The following SIK3 variants were observed in gnomAD, a reference collection of about 807,000 sequenced individuals.
The protein encoded by SIK3 is serine/threonine-protein kinase SIK3.
SIK3 carries 28 observed loss-of-function variants against 144.2 expected under a neutral mutation model. The ratio of observed to expected loss-of-function variants is 0.19; its 90% CI spans 0.14 to 0.27. The LOEUF (loss-of-function observed/expected upper bound fraction) is 0.27. Ranked by LOEUF, SIK3 falls within the 10% of genes least tolerant of loss-of-function variation. The pLI, the probability that SIK3 is intolerant of heterozygous loss-of-function variation, is 1.00. For synonymous variants in SIK3, 686 were observed against 676.3 expected (o/e 1.01, Z -0.22); for missense variants, 1,319 against 1,776.0 (o/e 0.74, Z 4.62).
At chr11:116,880,506 G>C (rs1043598532) in intron 6 of SIK3, among the ~76,000 whole-genome samples, 1 of 152,092 alleles carries the variant, frequency 6.6e-6, no homozygotes, top group Non-Finnish European at 1.5e-5. Flanking sequence ...AATATCGAAC[G>C]TGCCAAGGAA....
chr11:116,939,415 G>C (rs537577278), intron 3 of SIK3, among the ~76,000 whole-genome samples: 1 of 152,302 alleles, frequency 6.6e-6, no homozygotes, highest in South Asian at 2.1e-4. Flanking sequence ...CAAAGTGCTG[G>C]GATTACAGGT....
At chr11:116,865,257 A>G (rs2134455152) in intron 15 of SIK3, among the ~76,000 whole-genome samples, 1 of 152,266 alleles carries the variant, frequency 6.6e-6, no homozygotes, top group Non-Finnish European at 1.5e-5. Context: ...TCAGAAAGCC[A>G]TGTTCTTCAA....
intron 1 of SIK3, among the ~76,000 whole-genome samples, chr11:117,039,395 G>A (rs1342730028): frequency 5.3e-5 from 8 of 152,116 alleles, no homozygotes; most frequent in Admixed American, 3.3e-4. Flanking sequence ...GATCACAGGC[G>A]TAAGCCACCA....
chr11:116,979,436 C>T (rs1269170313), intron 1 of SIK3, among the ~76,000 whole-genome samples: 4 of 152,050 alleles, frequency 2.6e-5, no homozygotes, highest in African/African-American at 9.7e-5. Context: ...CACCTTCTCA[C>T]TCTATGATGT....
At chr11:116,975,745 T>A (rs566833051) in intron 1 of SIK3, among the ~76,000 whole-genome samples, 1 of 152,238 alleles carries the variant, frequency 6.6e-6, no homozygotes, top group Admixed American at 6.5e-5. Context: ...CTGGGTTATA[T>A]GGTAATTCCA....
rs1259439968 is a variant in SIK3 at position 117,098,212 on chromosome 11, G to C, written c.204C>G (p.Ile68Met). 2.0e-6 allele frequency: 3 copies of C among 1,515,120 alleles called. No homozygotes were observed. Among genetic ancestry groups the C allele is most frequent in the East Asian group, 2.8e-5 (1 of 35,190 alleles). 93.9% of individuals were successfully genotyped at this position (1,515,120 alleles called of 1,614,324 possible). ...PMPARIGYYE[I>M]DRTIGKGNFA... ...AGTTGCCCTTGCCGATGGTGCGGTC[G>C]ATCTCGTAGTAGCCGATACGGGCGG... The change falls in exon 1 of 25, where the codon ATC becomes ATG. Residue 68 changes from isoleucine (I) to methionine (M), a missense_variant. Transcript: ENST00000445177.
chr11:117,045,205 A>G (rs1199725471), intron 1 of SIK3, among the ~76,000 whole-genome samples: 1 of 152,232 alleles, frequency 6.6e-6, no homozygotes, highest in Non-Finnish European at 1.5e-5. Context: ...ATATCTGCTT[A>G]GTGACGGGAA....
chr11:117,080,537 G>A (rs75476502), intron 1 of SIK3, among the ~76,000 whole-genome samples: 3,007 of 152,028 alleles, frequency 0.02, 100 homozygotes, highest in African/African-American at 0.068. Flanking sequence ...ATAAGTCTAC[G>A]TGTTTTGAAT....
At chr11:117,034,163 T>G (rs1419158069) in intron 1 of SIK3, among the ~76,000 whole-genome samples, 1 of 152,162 alleles carries the variant, frequency 6.6e-6, no homozygotes, top group African/African-American at 2.4e-5. Flanking sequence ...TAGCACTGTA[T>G]AAGTTATCAC....
intron 1 of SIK3, among the ~76,000 whole-genome samples, chr11:116,959,453 T>C (rs1272870034): frequency 6.6e-6 from 1 of 152,220 alleles, no homozygotes; most frequent in Non-Finnish European, 1.5e-5. Flanking sequence ...TTATTTACCT[T>C]AATAACAGAG....
At position 116,943,149 on chromosome 11, in the gene SIK3, T is replaced by A. The variant is rs530131910; in HGVS notation, c.454+10895A>T. Among the ~76,000 whole-genome samples the A allele has an allele frequency of 2.7e-5, 4 of 149,556 alleles. 1 individual carries two copies. The South Asian group carries it at 8.5e-4, about 32-fold the overall frequency. On this transcript the variant is annotated intron_variant, in intron 3 of 24. Coordinates refer to ENST00000445177, the MANE Select transcript of SIK3 (RefSeq NM_001366686.3). ...CAAAGGAAAAAGAAATGGACCAGAGTCTAAATTACCAGTAAAAGACAAACT... is the reference window on the plus strand; with the variant it reads ...CAAAGGAAAAAGAAATGGACCAGAGACTAAATTACCAGTAAAAGACAAACT...
intron 1 of SIK3, among the ~76,000 whole-genome samples, chr11:117,013,967 C>CTTTTTTTTTTTTTTTT (rs1951406146): frequency 6.8e-4 from 5 of 7,356 alleles, no homozygotes; most frequent in African/African-American, 1.4e-3. Context: ...TTCTTTTTTT[C>CTTTTTTTTTTTTTTTT]TTTTCTTTTT....
intron 1 of SIK3, among the ~76,000 whole-genome samples, chr11:117,001,819 A>C (rs1950862836): frequency 6.6e-6 from 1 of 152,200 alleles, no homozygotes; most frequent in Non-Finnish European, 1.5e-5. Context: ...GTCTCCAATG[A>C]ATACAATACT....
chr11:117,096,916 C>T (rs928112301), intron 1 of SIK3, among the ~76,000 whole-genome samples: 3 of 152,118 alleles, frequency 2.0e-5, no homozygotes, highest in East Asian at 3.9e-4. Flanking sequence ...TGGTAGGAGG[C>T]GGCAGCAGCT....
At chr11:117,077,422 G>C (rs1333858335) in intron 1 of SIK3, among the ~76,000 whole-genome samples, 2 of 152,170 alleles carry the variant, frequency 1.3e-5, no homozygotes, top group African/African-American at 4.8e-5. Flanking sequence ...TAGGGCAAAA[G>C]GTTAAGCCTA....
intron 1 of SIK3, among the ~76,000 whole-genome samples, chr11:117,068,816 T>C (rs115103529): frequency 1.3e-5 from 2 of 152,372 alleles, no homozygotes; most frequent in African/African-American, 2.4e-5. Flanking sequence ...GAATTTCTTA[T>C]GTTTGGCCAG....
At chr11:116,994,330 A>G (rs1034064435) in intron 1 of SIK3, among the ~76,000 whole-genome samples, 8 of 152,226 alleles carry the variant, frequency 5.3e-5, no homozygotes, top group Admixed American at 5.2e-4. Context: ...AAAAAAATAC[A>G]TCGAAGGAAA....
rs576694465 is a variant in SIK3, at chr11:116,991,955, C to T, written c.274-34891G>A. 5.3e-5 allele frequency among the ~76,000 whole-genome samples: 8 copies of T among 152,164 alleles called. No homozygotes were observed. In the South Asian group the frequency reaches 1.2e-3, roughly 24 times the overall value. ...ATCTATATACATATACACCCATACA[C>T]GTATATCACTAAATTTATTACAGAC... On this transcript the variant is annotated intron_variant, in intron 1 of 24. Transcript: ENST00000445177.
rs1941753348 is a variant in SIK3 at position 116,844,465 on chromosome 11, A to G, written c.*1178T>C. Reference sequence around the variant, plus strand: ...CAAAAACAATTTCTACATGATCAAGAATTAAAATATAGGGGCTGAGGGTAC... The same window carrying G: ...CAAAAACAATTTCTACATGATCAAGGATTAAAATATAGGGGCTGAGGGTAC... On this transcript the variant is annotated 3_prime_UTR_variant, in exon 25 of 25. Transcript: ENST00000445177. 6.6e-6 allele frequency: 1 copy of G among 150,532 alleles called. No homozygotes were observed. Among genetic ancestry groups the G allele is most frequent in the African/African-American group, 2.4e-5 (1 of 41,072 alleles). The allele number at this position is 150,532 out of a possible 1,614,324, so 9.3% of individuals were successfully genotyped here.
Sources: gnomAD v4.1 joint callset for allele counts (sites outside exome capture counted in the v4.1 genomes callset) on GRCh38, gnomAD v4.1.1 for gene constraint, MANE v1.5 for transcripts, NCBI Gene and HGNC (gene_info 2026-07-23, HGNC 2026-07-21) for gene names.